The following MTX2 variants were observed in gnomAD, a reference collection of about 807,000 sequenced individuals.
MTX2 encodes the protein metaxin-2.
Under a neutral mutation model 42.3 loss-of-function variants are expected in MTX2, and 35 were observed. The observed-to-expected ratio is 0.83, with a 90% CI of 0.63 to 1.10. MTX2 has a LOEUF of 1.10. MTX2 is among the 50% of genes least tolerant of loss of function. MTX2 has a pLI of 0.00. For missense variants in MTX2, 307 were observed against 304.1 expected (o/e 1.01, Z -0.07); for synonymous variants, 119 against 100.9 (o/e 1.18, Z -1.08).
At chr2:176,303,047 T>C (rs1042675394) in intron 3 of MTX2, among the ~76,000 whole-genome samples, 6 of 152,152 alleles carry the variant, frequency 3.9e-5, no homozygotes, top group Non-Finnish European at 5.9e-5. Flanking sequence ...GACAGCTACC[T>C]GCAGAATTTT....
intron 1 of MTX2, among the ~76,000 whole-genome samples, chr2:176,293,431 G>A (rs1009361676): frequency 6.6e-6 from 1 of 152,186 alleles, no homozygotes; most frequent in African/African-American, 2.4e-5. Context: ...ATCTCCTGTT[G>A]AAATGTAATC....
At chr2:176,318,390 G>A (rs1195169584) in intron 3 of MTX2, among the ~76,000 whole-genome samples, 1 of 152,082 alleles carries the variant, frequency 6.6e-6, no homozygotes, top group African/African-American at 2.4e-5. Flanking sequence ...CAGGGTCTTA[G>A]AAATCAGGTA....
intron 9 of MTX2, among the ~76,000 whole-genome samples, 164 bp downstream of exon 9, chr2:176,330,824 C>G (rs939631185): frequency 6.6e-6 from 1 of 150,926 alleles, no homozygotes; most frequent in Non-Finnish European, 1.5e-5. Flanking sequence ...GTGCTAGGCT[C>G]TAGGAGACTA....
intron 4 of MTX2, 142 bp from the exon 5 acceptor site, chr2:176,326,683 A>G (rs1684713966): frequency 3.7e-6 from 2 of 539,942 alleles, no homozygotes; most frequent in African/African-American, 2.0e-5. Flanking sequence ...TAATATACAC[A>G]TCTGACAAAA....
chr2:176,324,251 TATG>T (rs1684657816), intron 4 of MTX2, among the ~76,000 whole-genome samples: 1 of 151,640 alleles, frequency 6.6e-6, no homozygotes, highest in Non-Finnish European at 1.5e-5. Flanking sequence ...TTCATTTTGA[TATG>T]ATAATTTAGG....
At chr2:176,309,421 A>T (rs991129529) in intron 3 of MTX2, among the ~76,000 whole-genome samples, 3 of 152,178 alleles carry the variant, frequency 2.0e-5, no homozygotes, top group African/African-American at 7.2e-5. Flanking sequence ...CTTGTTGCAG[A>T]GCTGAGTTCA....
chr2:176,310,650 T>C (rs1233592235), intron 3 of MTX2, among the ~76,000 whole-genome samples: 1 of 152,220 alleles, frequency 6.6e-6, no homozygotes, highest in African/African-American at 2.4e-5. Context: ...ATTAATTTGA[T>C]CTTCGATCAC....
intron 3 of MTX2, 36 bp downstream of exon 3, chr2:176,297,931 C>A (rs376620736): frequency 6.8e-7 from 1 of 1,477,110 alleles, no homozygotes. Context: ...TTTTTCACCC[C>A]CTAGGTGGTT....
In MTX2 at chr2:176,296,999, A is replaced by G. The variant is rs569353510; in HGVS notation, c.88+92A>G. ...TAATACAATTTACTGCAAAGAGAAT[A>G]TAAAATGTAAAGAAGGGATTCCCTT... On this transcript the variant is annotated intron_variant, in intron 2 of 9. Transcript: ENST00000249442. 13 of 1,316,878 alleles carry G rather than the reference A, an allele frequency of 9.9e-6. No homozygotes were observed. The East Asian group carries it at 3.0e-4, about 31-fold the overall frequency. The allele number at this position is 1,316,878 out of a possible 1,614,324, so 81.6% of individuals were successfully genotyped here.
intron 1 of MTX2, among the ~76,000 whole-genome samples, chr2:176,278,765 T>G (rs980367254): frequency 2.0e-5 from 3 of 152,332 alleles, no homozygotes. Flanking sequence ...CTTCTCATTT[T>G]TTTTTCAAAG....
intron 1 of MTX2, among the ~76,000 whole-genome samples, chr2:176,275,690 CAGTT>C (rs1157154169): frequency 9.9e-5 from 15 of 151,742 alleles, no homozygotes; most frequent in African/African-American, 3.6e-4. Context: ...TTCTTCCAGT[CAGTT>C]GGTTATGAAT....
At chr2:176,311,325 G>A (rs1558937296) in intron 3 of MTX2, among the ~76,000 whole-genome samples, 1 of 152,160 alleles carries the variant, frequency 6.6e-6, no homozygotes, top group Non-Finnish European at 1.5e-5. Flanking sequence ...GGCCCTTACT[G>A]GGAGGTGTCT....
At chr2:176,273,916 A>T (rs1395103051) in intron 1 of MTX2, among the ~76,000 whole-genome samples, 1 of 151,248 alleles carries the variant, frequency 6.6e-6, no homozygotes, top group African/African-American at 2.4e-5. Flanking sequence ...TTTTCCTTAA[A>T]AAAAAAAAAA....
chr2:176,297,972 C>G (rs993190794), intron 3 of MTX2, 77 bp downstream of exon 3: 4 of 1,144,548 alleles, frequency 3.5e-6, no homozygotes, highest in Non-Finnish European at 3.7e-6. Context: ...TTATATTTTT[C>G]CCCTTCCAAA....
chr2:176,300,051 A>T (rs1683984164), intron 3 of MTX2, among the ~76,000 whole-genome samples: 1 of 151,956 alleles, frequency 6.6e-6, no homozygotes, highest in South Asian at 2.1e-4. Flanking sequence ...TGTTGAGTAT[A>T]CTGAAGTATT....
chr2:176,330,596 G>A lies in MTX2; in HGVS notation c.556G>A (p.Val186Ile), dbSNP rs1361872444. The change falls in exon 9 of 10, where the codon GTA (valine) becomes ATA (isoleucine). Residue 186 changes from valine to isoleucine, a missense_variant. Physicochemically the swap from Val to Ile is conservative, Grantham distance 29. Transcript: ENST00000249442. ...KKTLDQVLED[V>I]DQCCQALSQR... ...TTGCCTGTGTTAGGTCTTAGAGGAT[G>A]TAGACCAGTGCTGTCAAGCTCTCTC... 5 of 1,585,182 alleles carry A rather than the reference G, an allele frequency of 3.2e-6. No homozygotes were observed. Among genetic ancestry groups the A allele is most frequent in the African/African-American group, 2.7e-5 (2 of 74,254 alleles).
intron 3 of MTX2, among the ~76,000 whole-genome samples, chr2:176,313,638 C>A (rs1684370543): frequency 6.6e-6 from 1 of 152,116 alleles, no homozygotes. Flanking sequence ...AATAATCCAC[C>A]CGCCTTGACC....
intron 7 of MTX2, 77 bp from the exon 8 acceptor site, chr2:176,329,224 C>A (rs1684795596): frequency 2.8e-6 from 4 of 1,453,696 alleles, no homozygotes; most frequent in Admixed American, 2.2e-5. Context: ...AAATATATTT[C>A]TTTTAGAATT....
chr2:176,280,378 T>C (rs1693050379), intron 1 of MTX2, among the ~76,000 whole-genome samples: 1 of 152,198 alleles, frequency 6.6e-6, no homozygotes, highest in Non-Finnish European at 1.5e-5. Flanking sequence ...TTCAGATGAG[T>C]CAACATTTTG....
Sources: allele counts gnomAD v4.1 joint callset (sites outside exome capture counted in the v4.1 genomes callset), GRCh38; gene constraint gnomAD v4.1.1; transcripts MANE v1.5; gene names NCBI Gene and HGNC (gene_info 2026-07-23, HGNC 2026-07-21).